Variants in TMTC2 observed in about 807,000 individuals in gnomAD.
TMTC2 encodes the protein transmembrane O-mannosyltransferase targeting cadherins 2, also known as protein O-mannosyl-transferase TMTC2.
A neutral mutation model predicts 82.4 loss-of-function variants in TMTC2; 43 were observed. The ratio of observed to expected loss-of-function variants is 0.52; its 90% CI spans 0.41 to 0.67. The LOEUF (loss-of-function observed/expected upper bound fraction) is 0.67, where lower values mean the gene tolerates loss of function less well. Ranked by LOEUF, TMTC2 falls within the 30% of genes least tolerant of loss-of-function variation. TMTC2 has a pLI of 0.00. For missense variants in TMTC2, 919 were observed against 1,012.4 expected (o/e 0.91, Z 1.25); for synonymous variants, 408 against 381.9 (o/e 1.07, Z -0.80).
chr12:82,740,586 C>T (rs149336672), intron 1 of TMTC2, among the ~76,000 whole-genome samples: 6 of 152,266 alleles, frequency 3.9e-5, no homozygotes, highest in African/African-American at 1.4e-4. Context: ...GGGTGTGTCT[C>T]GAATTCATTA....
intron 1 of TMTC2, among the ~76,000 whole-genome samples, chr12:82,757,225 C>A (rs930068624): frequency 2.0e-5 from 3 of 152,198 alleles, no homozygotes; most frequent in Non-Finnish European, 2.9e-5. Context: ...CTCCAGAGAT[C>A]TTTGAGAGAG....
chr12:82,695,728 C>CG (rs947239892), intron 1 of TMTC2, among the ~76,000 whole-genome samples: 10 of 152,066 alleles, frequency 6.6e-5, no homozygotes, highest in Admixed American at 3.9e-4. Context: ...GTGTCCTCTG[C>CG]GGGGGGTGCT....
chr12:82,840,741 T>G (rs1459035493), intron 1 of TMTC2, among the ~76,000 whole-genome samples: 1 of 152,212 alleles, frequency 6.6e-6, no homozygotes, highest in Non-Finnish European at 1.5e-5. Context: ...AAGGCTAAAC[T>G]ATACCATCAC....
chr12:83,038,919 G>C (rs1348104036), intron 9 of TMTC2, among the ~76,000 whole-genome samples: 1 of 145,842 alleles, frequency 6.9e-6, no homozygotes, highest in Non-Finnish European at 1.5e-5. Flanking sequence ...GAAAGAACAA[G>C]CACCTTGGTT....
chr12:82,899,679 AATAT>A (rs1225760344), intron 3 of TMTC2, among the ~76,000 whole-genome samples: 1 of 140,760 alleles, frequency 7.1e-6, no homozygotes, highest in African/African-American at 2.6e-5. Context: ...ATATATGTGG[AATAT>A]ATATATATAA....
intron 11 of TMTC2, among the ~76,000 whole-genome samples, chr12:83,103,794 C>T (rs1292501849): frequency 2.0e-5 from 3 of 152,200 alleles, no homozygotes; most frequent in Non-Finnish European, 4.4e-5. Context: ...ACTCAAAAGT[C>T]TACAGTTCAT....
intron 3 of TMTC2, among the ~76,000 whole-genome samples, chr12:82,905,575 C>A (rs1415461208): frequency 4.6e-5 from 7 of 152,136 alleles, no homozygotes; most frequent in Non-Finnish European, 4.4e-5. Flanking sequence ...ATATTTGGAA[C>A]TTTCAAGGTG....
intron 10 of TMTC2, among the ~76,000 whole-genome samples, chr12:83,060,719 A>G (rs1164797788): frequency 3.3e-5 from 5 of 151,776 alleles, no homozygotes; most frequent in African/African-American, 4.8e-5. Context: ...CTGCCATCTT[A>G]GAAGGTCTTC....
At chr12:82,953,576 A>G (rs1209263473) in intron 4 of TMTC2, among the ~76,000 whole-genome samples, 1 of 152,216 alleles carries the variant, frequency 6.6e-6, no homozygotes, top group East Asian at 1.9e-4. Flanking sequence ...GTGTCATATT[A>G]TAAATGTTGC....
intron 8 of TMTC2, among the ~76,000 whole-genome samples, chr12:82,996,594 A>G (rs1879626351): frequency 6.6e-6 from 1 of 152,236 alleles, no homozygotes; most frequent in African/African-American, 2.4e-5. Flanking sequence ...AGACCTCAAT[A>G]TGCAGAATGA....
chr12:83,019,537 C>T (rs1880822002), intron 8 of TMTC2, among the ~76,000 whole-genome samples: 1 of 152,146 alleles, frequency 6.6e-6, no homozygotes, highest in Non-Finnish European at 1.5e-5. Context: ...CTTGACATCT[C>T]AGCTATCTCA....
chr12:83,109,855 A>G (rs1432936060), intron 11 of TMTC2, among the ~76,000 whole-genome samples: 1 of 152,160 alleles, frequency 6.6e-6, no homozygotes, highest in Non-Finnish European at 1.5e-5. Context: ...AAAGAAAAAC[A>G]CTTTACTTTT....
At chr12:83,094,317 G>C (rs997581644) in intron 11 of TMTC2, among the ~76,000 whole-genome samples, 5 of 152,160 alleles carry the variant, frequency 3.3e-5, no homozygotes, top group African/African-American at 4.8e-5. Flanking sequence ...TACCTGCTCT[G>C]GGGAGCATTT....
chr12:82,915,830 T>C (rs1377177136), intron 3 of TMTC2, among the ~76,000 whole-genome samples: 2 of 152,220 alleles, frequency 1.3e-5, no homozygotes, highest in Non-Finnish European at 2.9e-5. Context: ...CAGAGGCAAC[T>C]TGTACTCTTT....
chr12:83,067,158 T>TA (rs1418860041), intron 11 of TMTC2, among the ~76,000 whole-genome samples: 9 of 151,288 alleles, frequency 5.9e-5, no homozygotes, highest in South Asian at 2.1e-4. Flanking sequence ...AACCCTGCTG[T>TA]AAAAAAAAGA....
In TMTC2 at chr12:82,827,261, C is replaced by T. The variant is rs138306854; in HGVS notation, c.84-29749C>T. Among the ~76,000 whole-genome samples the T allele has an allele frequency of 4.7e-3, 709 of 152,184 alleles. 8 individuals are homozygous for T. The highest frequency in any genetic ancestry group is 0.016 in the African/African-American group (671 of 41,508). On this transcript the variant is annotated intron_variant, in intron 1 of 11. Transcript: ENST00000321196. ...AGTTCAAAACCTCAAAGGTGCAATA[C>T]CTACTTTTTCCCTCTCTCATGTAAG...
chr12:82,938,271 G>A (rs1876518591), intron 4 of TMTC2, among the ~76,000 whole-genome samples: 1 of 152,064 alleles, frequency 6.6e-6, no homozygotes, highest in South Asian at 2.1e-4. Context: ...TCAGGGCCAG[G>A]TTTTGAGAAT....
At chr12:83,044,315 A>G (rs1882007689) in intron 9 of TMTC2, among the ~76,000 whole-genome samples, 2 of 152,314 alleles carry the variant, frequency 1.3e-5, no homozygotes, top group Admixed American at 1.3e-4. Flanking sequence ...ATCTGGGGAA[A>G]GAACATTGCA....
At chr12:82,780,783 A>AAATGTCCTATATAGTTTTATGATTG (rs149924700) in intron 1 of TMTC2, among the ~76,000 whole-genome samples, 1 of 151,742 alleles carries the variant, frequency 6.6e-6, no homozygotes, top group Non-Finnish European at 1.5e-5. Context: ...ATTTAAATAA[A>AAATGTCCTATATAGTTTTATGATTG]ATTTCTCAAC....
Sources: gnomAD v4.1 joint callset for allele counts (sites outside exome capture counted in the v4.1 genomes callset) on GRCh38, gnomAD v4.1.1 for gene constraint, MANE v1.5 for transcripts, NCBI Gene and HGNC (gene_info 2026-07-23, HGNC 2026-07-21) for gene names.